Variants in PSD3 observed in about 807,000 individuals in gnomAD.
The protein encoded by PSD3 is pleckstrin and Sec7 domain containing 3.
PSD3 carries 49 observed loss-of-function variants against 105.5 expected under a neutral mutation model. The ratio of observed to expected loss-of-function variants is 0.46; its 90% confidence interval spans 0.37 to 0.59. PSD3 has a LOEUF of 0.59. PSD3 is among the 20% of genes least tolerant of loss of function. The pLI, the probability that PSD3 is intolerant of heterozygous loss-of-function variation, is 0.00. For missense variants in PSD3, 1,561 were observed against 1,263.8 expected, an observed-to-expected ratio of 1.24 and a Z score of -3.57; for synonymous variants, 557 against 457.8, an observed-to-expected ratio of 1.22 and a Z score of -2.77.
chr8:18,996,715 C>G (rs935634403), intron 1 of PSD3, among the ~76,000 whole-genome samples: 5 of 151,862 alleles, frequency 3.3e-5, no homozygotes, highest in Non-Finnish European at 7.4e-5. Context: ...AGCTACATTT[C>G]TCACATTCTC....
chr8:18,567,043 G>A (rs943454456), intron 14 of PSD3, among the ~76,000 whole-genome samples: 5 of 152,130 alleles, frequency 3.3e-5, no homozygotes, highest in African/African-American at 1.2e-4. Flanking sequence ...AAAGTAAACA[G>A]AACTGTAGAT....
chr8:19,075,107 G>A (rs1381722598), intron 1 of PSD3, among the ~76,000 whole-genome samples: 1 of 151,548 alleles, frequency 6.6e-6, no homozygotes. Context: ...CACCATGCCC[G>A]GCTAATATTT....
intron 11 of PSD3, among the ~76,000 whole-genome samples, chr8:18,631,458 T>C (rs1292815180): frequency 6.6e-6 from 1 of 151,992 alleles, no homozygotes; most frequent in Non-Finnish European, 1.5e-5. Flanking sequence ...ATTAAACACG[T>C]GATCTATAGC....
intron 2 of PSD3, among the ~76,000 whole-genome samples, chr8:18,891,477 G>C (rs1363333683): frequency 6.6e-6 from 1 of 152,004 alleles, no homozygotes; most frequent in Non-Finnish European, 1.5e-5. Flanking sequence ...TTGAGATACA[G>C]CAATTTTTTA....
rs939707455 is a variant in PSD3 at position 18,868,091 on chromosome 8, A to G, written c.1239-22T>C. The stretch of plus-strand genomic sequence containing the variant: ...GATCCTGGAAAGTAAATAAGAGTGA[A>G]GAATTCCAATATTAGGTTAATGTCT... On this transcript the variant is annotated intron_variant, in intron 3 of 15. Coordinates refer to ENST00000327040, the MANE Select transcript of PSD3 (RefSeq NM_015310.4). The G allele has an allele frequency of 3.2e-6, 5 of 1,564,068 alleles. No homozygotes were observed. The African/African-American group carries it at 5.5e-5, about 17-fold the overall frequency.
intron 1 of PSD3, among the ~76,000 whole-genome samples, chr8:19,040,261 G>A (rs977360375): frequency 6.6e-6 from 1 of 152,068 alleles, no homozygotes; most frequent in Non-Finnish European, 1.5e-5. Context: ...GGAGTGCAGC[G>A]GCATGATCTT....
intron 1 of PSD3, among the ~76,000 whole-genome samples, chr8:19,077,440 A>G (rs4921989): frequency 0.53 from 80,163 of 151,986 alleles, 21,822 homozygotes; most frequent in East Asian, 0.82. Flanking sequence ...AAACAGTCAT[A>G]GCTGCTGATG....
intron 9 of PSD3, among the ~76,000 whole-genome samples, chr8:18,756,214 T>C (rs1269266611): frequency 2.8e-5 from 4 of 143,148 alleles, no homozygotes; most frequent in African/African-American, 1.2e-4. Flanking sequence ...GTTGATGCTC[T>C]TTTTTTAGCT....
chr8:19,059,147 C>T (rs999416052), intron 1 of PSD3, among the ~76,000 whole-genome samples: 1 of 152,184 alleles, frequency 6.6e-6, no homozygotes, highest in African/African-American at 2.4e-5. Context: ...AAAGCAGAAT[C>T]ACCAGAATCT....
chr8:18,611,426 A>G (rs1275612543), intron 11 of PSD3, among the ~76,000 whole-genome samples: 1 of 152,084 alleles, frequency 6.6e-6, no homozygotes, highest in African/African-American at 2.4e-5. Flanking sequence ...ATAATTTTTT[A>G]TTTTTTAAGA....
rs575102606 is a variant in PSD3 at position 18,698,008 on chromosome 8, T to C, written c.2173-42323A>G. Among the ~76,000 whole-genome samples, 11 of 152,302 alleles carry C rather than the reference T, an allele frequency of 7.2e-5. No homozygotes were observed. In the South Asian group the frequency reaches 2.1e-3, roughly 29 times the overall value. On this transcript the variant is annotated intron_variant, in intron 9 of 15. Transcript: ENST00000327040. The stretch of plus-strand genomic sequence containing the variant: ...TTTATGATACTCTGTGAATATTATA[T>C]GTCAAAAGAGAATTTGCAGATGTGA...
At chr8:18,687,073 G>A (rs915029063) in intron 9 of PSD3, among the ~76,000 whole-genome samples, 2 of 152,182 alleles carry the variant, frequency 1.3e-5, no homozygotes, top group Non-Finnish European at 2.9e-5. Flanking sequence ...ACCTGGTGAA[G>A]AGCCGGAGCT....
intron 2 of PSD3, among the ~76,000 whole-genome samples, chr8:18,900,362 G>T (rs1163772656): frequency 6.6e-6 from 1 of 152,128 alleles, no homozygotes; most frequent in Non-Finnish European, 1.5e-5. Context: ...CCTACTGAGG[G>T]AGCTGCAGTG....
intron 2 of PSD3, among the ~76,000 whole-genome samples, chr8:18,881,290 T>C (rs930388029): frequency 1.3e-5 from 2 of 152,232 alleles, no homozygotes; most frequent in Non-Finnish European, 2.9e-5. Context: ...TAGTCATCTG[T>C]TTCTGGAACA....
At chr8:18,625,119 C>T (rs975714207) in intron 11 of PSD3, among the ~76,000 whole-genome samples, 1 of 151,684 alleles carries the variant, frequency 6.6e-6, no homozygotes, top group South Asian at 2.1e-4. Context: ...ATCTTAGAAC[C>T]TTGTTTCTCA....
chr8:18,855,338 T>C (rs1815920743), intron 4 of PSD3, among the ~76,000 whole-genome samples: 1 of 152,202 alleles, frequency 6.6e-6, no homozygotes, highest in African/African-American at 2.4e-5. Flanking sequence ...AGTTCTTCCA[T>C]GTGTTCCCAA....
chr8:18,581,312 G>A (rs763050111), intron 12 of PSD3, among the ~76,000 whole-genome samples: 4 of 151,940 alleles, frequency 2.6e-5, no homozygotes, highest in Admixed American at 6.6e-5. Context: ...TTCCATGAAC[G>A]CTTCACATTC....
At chr8:18,781,995 T>G (rs1183369184) in intron 8 of PSD3, among the ~76,000 whole-genome samples, 1 of 152,118 alleles carries the variant, frequency 6.6e-6, no homozygotes, top group East Asian at 1.9e-4. Flanking sequence ...ATTATATTTT[T>G]TATTTTACTC....
intron 1 of PSD3, among the ~76,000 whole-genome samples, chr8:19,070,178 C>T (rs192761424): frequency 1.2e-3 from 175 of 151,942 alleles, no homozygotes; most frequent in African/African-American, 4.0e-3. Context: ...GTTATGGCTA[C>T]GAGAGGCATA....
Sources: gnomAD v4.1 joint callset for allele counts (sites outside exome capture counted in the v4.1 genomes callset) on GRCh38, gnomAD v4.1.1 for gene constraint, MANE v1.5 for transcripts, NCBI Gene and HGNC (gene_info 2026-07-23, HGNC 2026-07-21) for gene names.